The following GLIS3 variants were observed in gnomAD, a reference collection of about 807,000 sequenced individuals.
The protein encoded by GLIS3 is GLIS family zinc finger 3.
In GLIS3, 53 loss-of-function variants were observed where a neutral mutation model predicts 78.6. The observed-to-expected ratio is 0.67, with a 90% CI of 0.54 to 0.85. GLIS3 has a LOEUF of 0.85. GLIS3 is among the 40% of genes least tolerant of loss of function. The pLI is 0.00. For missense variants in GLIS3, 1,703 were observed against 1,231.1 expected (o/e 1.38, Z -5.74); for synonymous variants, 684 against 509.9 (o/e 1.34, Z -4.60).
intron 2 of GLIS3, among the ~76,000 whole-genome samples, chr9:4,254,753 T>C (rs1340456566): frequency 6.6e-6 from 1 of 151,796 alleles, no homozygotes; most frequent in African/African-American, 2.4e-5. Context: ...GGCAGGAGAA[T>C]TGCTTGAGCC....
At chr9:4,215,076 G>C (rs772622901) in intron 2 of GLIS3, among the ~76,000 whole-genome samples, 12 of 152,164 alleles carry the variant, frequency 7.9e-5, no homozygotes, top group Non-Finnish European at 1.6e-4. Flanking sequence ...ATGGTGCAGA[G>C]ATTCACAAAG....
the GLIS3 span, among the ~76,000 whole-genome samples, chr9:4,354,357 AG>A: frequency 6.6e-6 from 1 of 152,162 alleles, no homozygotes; most frequent in African/African-American, 2.4e-5. Context: ...CATATGGATG[AG>A]GGTATAAGCA....
At chr9:3,916,579 C>G (rs1824529026) in intron 6 of GLIS3, among the ~76,000 whole-genome samples, 1 of 152,184 alleles carries the variant, frequency 6.6e-6, no homozygotes, top group Non-Finnish European at 1.5e-5. Flanking sequence ...TGCCAACATC[C>G]CTTTCAGAGA....
chr9:4,325,954 G>C lies in GLIS3; in HGVS notation n.265-15426C>G, dbSNP rs144575659. Among the ~76,000 whole-genome samples, 578 of 152,266 alleles carry C rather than the reference G, an allele frequency of 3.8e-3. 3 individuals are homozygous for C. Among genetic ancestry groups the C allele is most frequent in the African/African-American group, 0.013 (535 of 41,548 alleles). On this transcript the variant is annotated intron_variant and non_coding_transcript_variant, in intron 2 of 4. Transcript: ENST00000471664. ...TCCTCAGCAAACTAACACAAGAACA[G>C]AGAAACAAACACCACCTGTTCTCAC...
the GLIS3 span, among the ~76,000 whole-genome samples, chr9:4,364,186 A>G: frequency 6.6e-6 from 1 of 152,228 alleles, no homozygotes; most frequent in Non-Finnish European, 1.5e-5. Context: ...TTTGATCTTC[A>G]GATATATCCC....
intron 4 of GLIS3, chr9:4,036,044 T>G (rs1359164606): frequency 4.6e-5 from 7 of 152,262 alleles, no homozygotes; most frequent in Non-Finnish European, 7.3e-5. Context: ...GGTTTCAGTT[T>G]GCCTGATTCC....
intron 4 of GLIS3, among the ~76,000 whole-genome samples, chr9:4,102,381 A>G (rs146687469): frequency 1.5e-3 from 223 of 152,274 alleles, no homozygotes; most frequent in Middle Eastern, 0.01. Context: ...ACTGACTGAA[A>G]TCTCAGAATA....
At chr9:4,028,814 C>T (rs1336675574) in intron 4 of GLIS3, among the ~76,000 whole-genome samples, 1 of 151,982 alleles carries the variant, frequency 6.6e-6, no homozygotes, top group Non-Finnish European at 1.5e-5. Flanking sequence ...AGATAATAAG[C>T]CATAAAAAGA....
intron 4 of GLIS3, among the ~76,000 whole-genome samples, chr9:4,064,636 T>G (rs1826939209): frequency 1.3e-5 from 2 of 152,082 alleles, no homozygotes; most frequent in African/African-American, 4.8e-5. Flanking sequence ...CTAAAAATAT[T>G]ATTAAAAAAA....
chr9:4,338,582 C>T (rs1817789339), intron 2 of GLIS3, among the ~76,000 whole-genome samples: 1 of 152,018 alleles, frequency 6.6e-6, no homozygotes, highest in African/African-American at 2.4e-5. Context: ...CACTGAATTT[C>T]AAATAGGTCT....
chr9:3,934,999 T>C (rs1190214317), intron 5 of GLIS3, among the ~76,000 whole-genome samples: 2 of 152,082 alleles, frequency 1.3e-5, no homozygotes, highest in Non-Finnish European at 2.9e-5. Flanking sequence ...AGAGATTAAT[T>C]AATACAACTT....
In GLIS3 at chr9:4,118,056, C is replaced by T. The variant is rs1344051553; in HGVS notation, c.1422G>A (p.Gly474=). ...AHAHLHHPEL[G]PHAQQLALPQ... is the part of the protein sequence containing the mutation. Reference sequence around the variant, plus strand: ...GCAAGGCCAGCTGCTGGGCGTGGGGCCCGAGCTCCGGGTGGTGAAGGTGCG... The same window carrying T: ...GCAAGGCCAGCTGCTGGGCGTGGGGTCCGAGCTCCGGGTGGTGAAGGTGCG... The change falls in exon 4 of 11, where the codon GGG becomes GGA. Residue 474 remains glycine, a synonymous_variant. Transcript: ENST00000381971. This position sits in a 1 kb window ranked among gnomAD's most constrained non-coding sequence, Gnocchi z 4.7. 1.9e-6 allele frequency: 3 copies of T among 1,585,186 alleles called. No homozygotes were observed. The highest frequency in any genetic ancestry group is 1.7e-6 in the Non-Finnish European group (2 of 1,165,694).
In GLIS3 at chr9:4,118,187, C is replaced by T. The variant is rs761870225; in HGVS notation, c.1291G>A (p.Glu431Lys). ...DSQSAGLFKT[E>K]RLEEFPGSTV... is the part of the protein sequence containing the mutation. ...CTGCCCGGGAACTCCTCCAGGCGTTCGGTCTTGAACAGGCCGGCCGACTGG... is the reference window on the plus strand; with the variant it reads ...CTGCCCGGGAACTCCTCCAGGCGTTTGGTCTTGAACAGGCCGGCCGACTGG... Residue 431 changes from glutamate (E) to lysine (K), a missense_variant, in exon 4 of 11, where the codon GAA (glutamate) becomes AAA (lysine). Glu to Lys is a moderately conservative substitution (Grantham distance 56). Transcript: ENST00000381971. This position sits in a 1 kb window ranked among gnomAD's most constrained non-coding sequence, Gnocchi z 4.7. 2.5e-6 allele frequency: 4 copies of T among 1,574,980 alleles called. No individual in the cohort carries two copies. Among genetic ancestry groups the T allele is most frequent in the South Asian group, 1.2e-5 (1 of 85,580 alleles).
chr9:3,993,308 C>T (rs1820479431), intron 4 of GLIS3, among the ~76,000 whole-genome samples: 1 of 152,142 alleles, frequency 6.6e-6, no homozygotes, highest in African/African-American at 2.4e-5. Flanking sequence ...CAGGTGTAAT[C>T]TTTAATCTTC....
chr9:4,044,546 A>G (rs949044180), intron 4 of GLIS3, among the ~76,000 whole-genome samples: 13 of 152,142 alleles, frequency 8.5e-5, no homozygotes, highest in African/African-American at 3.1e-4. Context: ...CAATGGGTCC[A>G]TCTTATCCTA....
intron 1 of GLIS3, among the ~76,000 whole-genome samples, chr9:4,347,838 T>C (rs1817915009): frequency 6.6e-6 from 1 of 152,174 alleles, no homozygotes; most frequent in Non-Finnish European, 1.5e-5. Flanking sequence ...ACTATTTTAC[T>C]GGGTAATTTT....
intron 2 of GLIS3, among the ~76,000 whole-genome samples, chr9:4,208,636 G>A (rs1820090292): frequency 6.6e-6 from 1 of 152,196 alleles, no homozygotes; most frequent in East Asian, 1.9e-4. Flanking sequence ...GACTGAAATT[G>A]TCTGTTAGGG....
At chr9:4,011,708 T>G (rs1035371492) in intron 4 of GLIS3, among the ~76,000 whole-genome samples, 2 of 152,176 alleles carry the variant, frequency 1.3e-5, no homozygotes, top group African/African-American at 4.8e-5. Context: ...TGATTTTTGG[T>G]AAATTACTTT....
intron 2 of GLIS3, among the ~76,000 whole-genome samples, chr9:4,139,503 G>C (rs925274798): frequency 6.6e-6 from 1 of 152,204 alleles, no homozygotes; most frequent in Non-Finnish European, 1.5e-5. Context: ...TCAACAGACA[G>C]AAATATTACT....
Sources: gnomAD v4.1 joint callset for allele counts (sites outside exome capture counted in the v4.1 genomes callset) on GRCh38, gnomAD v4.1.1 for gene constraint, Gnocchi (gnomAD v3.1) non-coding constraint, MANE v1.5 for transcripts, NCBI Gene and HGNC (gene_info 2026-07-23, HGNC 2026-07-21) for gene names.